ROBO1: variants seen among roughly 807,000 people sequenced by gnomAD.
ROBO1 encodes roundabout homolog 1.
A neutral mutation model predicts 195.9 loss-of-function variants in ROBO1; 149 were observed. The ratio of observed to expected loss-of-function variants is 0.76; its 90% CI spans 0.67 to 0.87. ROBO1 has a LOEUF of 0.87. ROBO1 is among the 40% of genes least tolerant of loss of function. The probability of loss-of-function intolerance (pLI) is 0.00; values close to 1 mark genes in which losing one functional copy is unlikely to be tolerated. For synonymous variants in ROBO1, 816 were observed against 733.2 expected (o/e 1.11, Z -1.82); for missense variants, 1,933 against 2,068.3 (o/e 0.93, Z 1.27).
intron 1 of ROBO1, among the ~76,000 whole-genome samples, chr3:79,687,270 G>T (rs531981290): frequency 1.0e-5 from 1 of 100,010 alleles, no homozygotes; most frequent in East Asian, 2.9e-4. Flanking sequence ...AACCCTAGAA[G>T]AAAACCTAAA....
At chr3:78,884,652 G>GAAAGA (rs1559961818) in intron 4 of ROBO1, among the ~76,000 whole-genome samples, 11 of 49,034 alleles carry the variant, frequency 2.2e-4, no homozygotes, top group African/African-American at 6.6e-4. Context: ...AGAAAGAAAG[G>GAAAGA]AAGGAAGGAA....
chr3:78,630,345 T>C (rs1705107091), intron 25 of ROBO1, among the ~76,000 whole-genome samples: 1 of 152,178 alleles, frequency 6.6e-6, no homozygotes, highest in Admixed American at 6.5e-5. Context: ...TGTCAATATT[T>C]TTATATAAGA....
intron 8 of ROBO1, among the ~76,000 whole-genome samples, chr3:78,695,346 C>T (rs1415642484): frequency 6.6e-6 from 1 of 152,114 alleles, no homozygotes; most frequent in Non-Finnish European, 1.5e-5. Flanking sequence ...ATATTTTAGG[C>T]TGGGTGACGT....
chr3:78,676,846 G>C (rs56790741), intron 10 of ROBO1, among the ~76,000 whole-genome samples: 1 of 152,062 alleles, frequency 6.6e-6, no homozygotes, highest in Non-Finnish European at 1.5e-5. Flanking sequence ...TACTCCTCGA[G>C]AAGAGCAACT....
At chr3:79,318,712 G>A (rs1274859420) in intron 2 of ROBO1, among the ~76,000 whole-genome samples, 1 of 151,748 alleles carries the variant, frequency 6.6e-6, no homozygotes, top group Admixed American at 6.6e-5. Flanking sequence ...TTTTATCTAG[G>A]GTCATCTAGA....
intron 1 of ROBO1, among the ~76,000 whole-genome samples, chr3:79,729,978 A>C (rs1264740539): frequency 6.6e-6 from 1 of 152,204 alleles, no homozygotes; most frequent in African/African-American, 2.4e-5. Context: ...TGTCCTTTAC[A>C]TAATGTTTTA....
intron 5 of ROBO1, 30 bp from the exon 6 acceptor site, chr3:78,717,913 T>G (rs765003748): frequency 6.2e-7 from 1 of 1,608,740 alleles, no homozygotes; most frequent in East Asian, 2.2e-5. Flanking sequence ...AGGAATACTA[T>G]TAAAATTGCT....
At chr3:79,098,107 T>C (rs1393234727) in intron 3 of ROBO1, among the ~76,000 whole-genome samples, 2 of 151,824 alleles carry the variant, frequency 1.3e-5, no homozygotes, top group Non-Finnish European at 2.9e-5. Flanking sequence ...AAAGAATGCC[T>C]GTTCATTCTC....
At chr3:79,385,683 A>C (rs1050263347) in intron 2 of ROBO1, among the ~76,000 whole-genome samples, 2 of 152,178 alleles carry the variant, frequency 1.3e-5, no homozygotes, top group Non-Finnish European at 2.9e-5. Flanking sequence ...TTTAGTCTTC[A>C]TGAATCAGTT....
intron 2 of ROBO1, among the ~76,000 whole-genome samples, chr3:79,365,029 C>T (rs2035915880): frequency 6.6e-6 from 1 of 152,186 alleles, no homozygotes; most frequent in Non-Finnish European, 1.5e-5. Flanking sequence ...ATTCCTCACT[C>T]TATAGCTACA....
chr3:78,741,334 T>C (rs2082529886), intron 5 of ROBO1, among the ~76,000 whole-genome samples: 1 of 152,164 alleles, frequency 6.6e-6, no homozygotes, highest in Non-Finnish European at 1.5e-5. Context: ...ACTGTGCTAA[T>C]TTATAACAAA....
chr3:79,763,917 A>G (rs544157627), intron 1 of ROBO1, among the ~76,000 whole-genome samples: 1 of 152,298 alleles, frequency 6.6e-6, no homozygotes, highest in African/African-American at 2.4e-5. Flanking sequence ...AATATGGGGG[A>G]AAATAGGTAG....
intron 2 of ROBO1, among the ~76,000 whole-genome samples, chr3:79,138,228 T>C (rs2080453700): frequency 6.6e-6 from 1 of 152,034 alleles, no homozygotes; most frequent in Non-Finnish European, 1.5e-5. Flanking sequence ...GACAGGGTCA[T>C]GTCTTACTCA....
At chr3:79,023,696 G>GTTTTT (rs869056050) in intron 3 of ROBO1, among the ~76,000 whole-genome samples, 1 of 68,956 alleles carries the variant, frequency 1.5e-5, no homozygotes, top group African/African-American at 6.3e-5. Flanking sequence ...TTGAGACAGA[G>GTTTTT]TTTTTTTTTT....
intron 3 of ROBO1, among the ~76,000 whole-genome samples, chr3:79,042,490 C>T (rs1446804116): frequency 6.6e-6 from 1 of 152,012 alleles, no homozygotes; most frequent in Non-Finnish European, 1.5e-5. Context: ...CTTCTATTTC[C>T]TGAGATTAAT....
At chr3:78,999,566 A>G (rs2077450213) in intron 3 of ROBO1, among the ~76,000 whole-genome samples, 1 of 152,104 alleles carries the variant, frequency 6.6e-6, no homozygotes, top group African/African-American at 2.4e-5. Context: ...GGAAAGGAGC[A>G]AGGGTAGAAG....
intron 3 of ROBO1, among the ~76,000 whole-genome samples, chr3:79,055,839 T>A (rs2078797145): frequency 6.6e-6 from 1 of 152,010 alleles, no homozygotes; most frequent in African/African-American, 2.4e-5. Context: ...ACAATGAAAA[T>A]CTGACACACC....
chr3:79,556,490 C>T (rs1942703308), intron 2 of ROBO1, among the ~76,000 whole-genome samples: 1 of 152,034 alleles, frequency 6.6e-6, no homozygotes, highest in Non-Finnish European at 1.5e-5. Flanking sequence ...AATTTCCACT[C>T]ACCAAACTGC....
At chr3:78,743,692 A>G (rs973707834) in intron 5 of ROBO1, among the ~76,000 whole-genome samples, 2 of 152,188 alleles carry the variant, frequency 1.3e-5, no homozygotes, top group African/African-American at 4.8e-5. Context: ...GGTGTGGGGT[A>G]GAAAGTTCTA....
Sources: gnomAD v4.1 joint callset for allele counts (sites outside exome capture counted in the v4.1 genomes callset) on GRCh38, gnomAD v4.1.1 for gene constraint, MANE v1.5 for transcripts, NCBI Gene and HGNC (gene_info 2026-07-23, HGNC 2026-07-21) for gene names.